LYRM4: variants seen among roughly 807,000 people sequenced by gnomAD.
LYRM4 encodes the protein LYR motif containing 4, also known as LYR motif-containing protein 4.
In LYRM4, 9 loss-of-function variants were observed where a neutral mutation model predicts 11.7. That is an observed-to-expected ratio of 0.77 (90% CI 0.46 to 1.34). LYRM4 has a LOEUF of 1.34. Ranked by LOEUF, LYRM4 falls within the 40% of genes most tolerant of loss-of-function variation. The pLI is 0.00. For synonymous variants in LYRM4, 42 were observed against 40.4 expected (o/e 1.04, Z -0.15); for missense variants, 133 against 112.5 (o/e 1.18, Z -0.82).
At chr6:5,225,649 C>T (rs942967516) in intron 1 of LYRM4, among the ~76,000 whole-genome samples, 1 of 152,216 alleles carries the variant, frequency 6.6e-6, no homozygotes, top group African/African-American at 2.4e-5. Flanking sequence ...TGTGCTACCA[C>T]AAACAATGCT....
downstream of LYRM4, chr6:5,108,323 C>T (rs1036103453): frequency 2.8e-5 from 13 of 471,900 alleles, no homozygotes; most frequent in South Asian, 1.8e-4. Context: ...AACAAGAAAC[C>T]GCTCTGCCAG....
intron 2 of LYRM4, among the ~76,000 whole-genome samples, chr6:5,144,600 G>C (rs1414477640): frequency 3.0e-5 from 4 of 134,326 alleles, no homozygotes; most frequent in Non-Finnish European, 6.1e-5. Flanking sequence ...ACTCCAGCCT[G>C]GGCGACACAG....
At chr6:5,204,528 G>A (rs1222235169) in intron 2 of LYRM4, among the ~76,000 whole-genome samples, 4 of 152,138 alleles carry the variant, frequency 2.6e-5, no homozygotes, top group African/African-American at 9.7e-5. Flanking sequence ...ACAGGTAACT[G>A]ACTTCTCCCT....
the LYRM4 span, among the ~76,000 whole-genome samples, chr6:5,093,202 A>G: frequency 6.6e-6 from 1 of 152,260 alleles, no homozygotes; most frequent in Non-Finnish European, 1.5e-5. Context: ...CAAAGTAATT[A>G]AAGATGAATT....
At chr6:5,070,394 G>A in the LYRM4 span, among the ~76,000 whole-genome samples, 3 of 152,086 alleles carry the variant, frequency 2.0e-5, no homozygotes, top group Non-Finnish European at 4.4e-5. Flanking sequence ...ACAGCAAGAT[G>A]TTTACTAACA....
the LYRM4 span, among the ~76,000 whole-genome samples, chr6:5,082,006 G>T: frequency 6.6e-6 from 1 of 152,224 alleles, no homozygotes; most frequent in Non-Finnish European, 1.5e-5. Flanking sequence ...GAAGTCCCAT[G>T]CCCATCGCAC....
the LYRM4 span, chr6:5,085,683 C>CT: frequency 6.5e-7 from 1 of 1,548,240 alleles, no homozygotes; most frequent in Non-Finnish European, 8.7e-7. Context: ...AAGAGGCCGC[C>CT]CCCCAGGAGC....
the LYRM4 span, among the ~76,000 whole-genome samples, chr6:5,081,511 C>T: frequency 0.69 from 104,892 of 152,078 alleles, 37,527 homozygotes; most frequent in East Asian, 0.89. Flanking sequence ...TGTTCATTCT[C>T]TATCCCTGTT....
chr6:5,216,343 C>CA lies in LYRM4; in HGVS notation c.207+274dup, dbSNP rs560644215. Among the ~76,000 whole-genome samples the CA allele has an allele frequency of 3.3e-3, 496 of 152,244 alleles. 6 individuals carry two copies. The highest frequency in any genetic ancestry group is 0.011 in the African/African-American group (470 of 41,550). On this transcript the variant is annotated intron_variant, in intron 2 of 2. Transcript: ENST00000330636. Reference sequence around the variant, plus strand: ...ATACATCTTACAAAAACTTAGCTTTCAAAAAAATTAATGCAGAAGTTTCTC... The same window carrying CA: ...ATACATCTTACAAAAACTTAGCTTTCAAAAAAAATTAATGCAGAAGTTTCTC...
chr6:5,032,541 T>C, the LYRM4 span: 1 of 152,220 alleles, frequency 6.6e-6, no homozygotes, highest in South Asian at 2.1e-4. Context: ...AGTATCTTAG[T>C]ACATGGCAAA....
intron 1 of LYRM4, among the ~76,000 whole-genome samples, chr6:5,223,271 AT>A (rs1762690905): frequency 6.6e-6 from 1 of 152,240 alleles, no homozygotes; most frequent in South Asian, 2.1e-4. Context: ...GTACAATAGG[AT>A]AACAAAAGAA....
chr6:5,102,495 T>C (rs1762536439), downstream of LYRM4: 1 of 152,236 alleles, frequency 6.6e-6, no homozygotes, highest in African/African-American at 2.4e-5. Context: ...CAGGAAGTTC[T>C]AGTGAAATGT....
chr6:5,086,473 T>G, the LYRM4 span: 1 of 1,537,078 alleles, frequency 6.5e-7, no homozygotes, highest in Admixed American at 2.0e-5. Flanking sequence ...CTTCGCTGTC[T>G]GCTACCGCTG....
chr6:5,207,234 G>A (rs1234271416), intron 2 of LYRM4, among the ~76,000 whole-genome samples: 1 of 152,178 alleles, frequency 6.6e-6, no homozygotes, highest in Non-Finnish European at 1.5e-5. Context: ...CAGCACTGAT[G>A]AAATGAGCTG....
intron 1 of LYRM4, among the ~76,000 whole-genome samples, chr6:5,242,358 C>T (rs1763934427): frequency 6.8e-6 from 1 of 147,168 alleles, no homozygotes; most frequent in Non-Finnish European, 1.5e-5. Flanking sequence ...AGGCGTGAGC[C>T]ACTGCGCCCG....
chr6:5,217,067 C>A (rs1762314059), intron 1 of LYRM4, among the ~76,000 whole-genome samples: 1 of 152,194 alleles, frequency 6.6e-6, no homozygotes, highest in Non-Finnish European at 1.5e-5. Flanking sequence ...TGTACAGAGA[C>A]AAATCAAGAA....
the LYRM4 span, among the ~76,000 whole-genome samples, chr6:5,039,070 T>C: frequency 1.3e-5 from 2 of 152,342 alleles, no homozygotes; most frequent in African/African-American, 2.4e-5. Flanking sequence ...TTGCCTGATA[T>C]CACTGGAACA....
At chr6:5,114,648 T>C (rs978225082) in intron 2 of LYRM4, among the ~76,000 whole-genome samples, 20 of 151,972 alleles carry the variant, frequency 1.3e-4, no homozygotes, top group Non-Finnish European at 7.4e-5. Flanking sequence ...ATCAGGGGTG[T>C]CCAATCTTTT....
At chr6:5,204,018 G>C (rs539840970) in intron 2 of LYRM4, among the ~76,000 whole-genome samples, 31 of 152,126 alleles carry the variant, frequency 2.0e-4, no homozygotes, top group Non-Finnish European at 4.3e-4. Flanking sequence ...CACAAACATT[G>C]TCAGTCTCCT....
Sources: allele counts gnomAD v4.1 joint callset (sites outside exome capture counted in the v4.1 genomes callset), GRCh38; gene constraint gnomAD v4.1.1; transcripts MANE v1.5; gene names NCBI Gene and HGNC (gene_info 2026-07-23, HGNC 2026-07-21).